The following SNTG1 variants were observed in gnomAD, a reference collection of about 807,000 sequenced individuals.
The protein encoded by SNTG1 is syntrophin gamma 1.
SNTG1 carries 39 observed loss-of-function variants against 74.7 expected under a neutral mutation model. The observed-to-expected ratio is 0.52, with a 90% CI of 0.40 to 0.68. SNTG1 has a LOEUF of 0.68. Among genes scored for constraint, SNTG1 ranks in the 30% least tolerant of loss-of-function variants. The pLI, the probability that SNTG1 is intolerant of heterozygous loss-of-function variation, is 0.00. For missense variants in SNTG1, 685 were observed against 609.5 expected, an observed-to-expected ratio of 1.12 and a Z score of -1.30; for synonymous variants, 254 against 217.1, an observed-to-expected ratio of 1.17 and a Z score of -1.49.
rs531962724 is a variant in SNTG1, at chr8:50,635,776, C to T, written c.850-21133C>T. 2.0e-5 allele frequency among the ~76,000 whole-genome samples: 3 copies of T among 152,266 alleles called. No individual in the cohort carries two copies. The East Asian group carries it at 5.9e-4, about 30-fold the overall frequency. ...AGAGATCCCATGAGCCCACTTGATGCTCTAACCCCTGTGGTTGAGCTGGTA... is the reference window on the plus strand; with the variant it reads ...AGAGATCCCATGAGCCCACTTGATGTTCTAACCCCTGTGGTTGAGCTGGTA... On this transcript the variant is annotated intron_variant, in intron 13 of 18. Transcript: ENST00000642720.
chr8:50,386,390 T>C (rs1000375439), intron 2 of SNTG1, among the ~76,000 whole-genome samples: 5 of 152,058 alleles, frequency 3.3e-5, no homozygotes, highest in African/African-American at 9.7e-5. Flanking sequence ...TCATATTTAG[T>C]TCACATTTAT....
intron 1 of SNTG1, among the ~76,000 whole-genome samples, chr8:49,973,646 G>A (rs1004203793): frequency 1.3e-5 from 2 of 152,060 alleles, no homozygotes; most frequent in Non-Finnish European, 2.9e-5. Context: ...TTTGAAGCAA[G>A]GAATAAAAAT....
At chr8:50,270,554 A>T (rs1239853085) in intron 2 of SNTG1, among the ~76,000 whole-genome samples, 1 of 150,644 alleles carries the variant, frequency 6.6e-6, no homozygotes, top group African/African-American at 2.4e-5. Flanking sequence ...AGGAATTGAG[A>T]TCTGCATGGC....
In SNTG1 at chr8:50,564,819, A is replaced by C. The variant is rs567902809; in HGVS notation, c.810+11640A>C. ...GAGGACTTCAAATGCAATATTGTGG[A>C]TGTTACAATCTCCAATAAAAATATG... On this transcript the variant is annotated intron_variant, in intron 12 of 18. Transcript: ENST00000642720. Among the ~76,000 whole-genome samples, 11 of 152,196 alleles carry C rather than the reference A, an allele frequency of 7.2e-5. No individual in the cohort carries two copies. The South Asian group carries it at 2.1e-3, about 29-fold the overall frequency.
chr8:50,708,682 T>C, intron 16 of SNTG1: 1 of 546,256 alleles, frequency 1.8e-6, no homozygotes, highest in Non-Finnish European at 3.3e-6. Flanking sequence ...GGCATACACC[T>C]TGGCAAGTTA....
chr8:49,929,395 A>G (rs1391910088), intron 1 of SNTG1, among the ~76,000 whole-genome samples: 1 of 152,202 alleles, frequency 6.6e-6, no homozygotes, highest in African/African-American at 2.4e-5. Context: ...GCCCGCATCT[A>G]TGTAGAGCTT....
chr8:50,656,284 CTTTG>C (rs2095180188), intron 13 of SNTG1, among the ~76,000 whole-genome samples: 1 of 152,090 alleles, frequency 6.6e-6, no homozygotes, highest in African/African-American at 2.4e-5. Flanking sequence ...CTCACAAAAT[CTTTG>C]TTTGGAAATC....
intron 8 of SNTG1, among the ~76,000 whole-genome samples, chr8:50,487,757 A>G (rs1297217763): frequency 6.6e-6 from 1 of 151,906 alleles, no homozygotes; most frequent in Non-Finnish European, 1.5e-5. Context: ...TAGTGGGTGC[A>G]GTGCACCAGC....
chr8:50,134,897 G>A (rs1168529109), intron 1 of SNTG1, among the ~76,000 whole-genome samples: 2 of 152,044 alleles, frequency 1.3e-5, no homozygotes, highest in African/African-American at 4.8e-5. Flanking sequence ...TGGTTATAAA[G>A]TAATTTTCAG....
intron 2 of SNTG1, among the ~76,000 whole-genome samples, chr8:50,267,166 C>A (rs1395015763): frequency 6.6e-6 from 1 of 151,870 alleles, no homozygotes; most frequent in Non-Finnish European, 1.5e-5. Context: ...TTCTTTTATG[C>A]CTTTACTGTG....
rs1435251054 is a variant in SNTG1 at position 50,705,929 on chromosome 8, C to G, written c.1191+1177C>G. Among the ~76,000 whole-genome samples, 3 of 152,216 alleles carry G rather than the reference C, an allele frequency of 2.0e-5. No homozygotes were observed. In the East Asian group the frequency reaches 5.8e-4, roughly 29 times the overall value. ...GATCCATAGAGCAAGGACCTAAATA[C>G]ACACATGGACACTTAATTTTGAAAA... On this transcript the variant is annotated intron_variant, in intron 16 of 18. Coordinates refer to ENST00000642720, the MANE Select transcript of SNTG1 (RefSeq NM_018967.5).
Position 49,996,079 on chromosome 8 carries a change from T to C in SNTG1, c.-103+83848T>C, listed in dbSNP as rs527661393. On this transcript the variant is annotated intron_variant, in intron 1 of 18. Transcript: ENST00000642720. ...ACTGTAAACTAGAAAATATATGATATTTACTTTTATTATTAAAATTGAATT... is the reference window on the plus strand; with the variant it reads ...ACTGTAAACTAGAAAATATATGATACTTACTTTTATTATTAAAATTGAATT... Among the ~76,000 whole-genome samples, 18 of 152,262 alleles carry C rather than the reference T, an allele frequency of 1.2e-4. 2 individuals carry two copies. Among genetic ancestry groups the C allele is most frequent in the African/African-American group, 4.3e-4 (18 of 41,564 alleles).
intron 2 of SNTG1, among the ~76,000 whole-genome samples, chr8:50,189,286 T>G (rs1427976129): frequency 6.6e-6 from 1 of 152,154 alleles, no homozygotes; most frequent in Non-Finnish European, 1.5e-5. Flanking sequence ...TTTATTTTTT[T>G]TTCAGTAGTC....
chr8:50,378,482 T>C (rs1411789164), intron 2 of SNTG1, among the ~76,000 whole-genome samples: 1 of 152,132 alleles, frequency 6.6e-6, no homozygotes, highest in Non-Finnish European at 1.5e-5. Flanking sequence ...TGCCAGTTGA[T>C]AGATCCTGAG....
chr8:49,990,059 T>C (rs1374076311), intron 1 of SNTG1, among the ~76,000 whole-genome samples: 1 of 151,932 alleles, frequency 6.6e-6, no homozygotes, highest in Admixed American at 6.6e-5. Context: ...TCTGTGCTCT[T>C]GCCACTTCTA....
chr8:50,312,646 A>G (rs1052627941), intron 2 of SNTG1, among the ~76,000 whole-genome samples: 1 of 149,694 alleles, frequency 6.7e-6, no homozygotes, highest in African/African-American at 2.5e-5. Context: ...AAACAATGAA[A>G]ATAGCATAAT....
At chr8:50,644,919 CTTTT>C (rs36012475) in intron 13 of SNTG1, among the ~76,000 whole-genome samples, 2 of 135,696 alleles carry the variant, frequency 1.5e-5, no homozygotes, top group East Asian at 2.1e-4. Context: ...TGCCCAGGTG[CTTTT>C]TTTTTTTTTT....
chr8:50,069,716 C>A (rs569297942), intron 1 of SNTG1, among the ~76,000 whole-genome samples: 2 of 147,824 alleles, frequency 1.4e-5, no homozygotes, highest in Non-Finnish European at 3.0e-5. Context: ...CTGACTTCTC[C>A]CCAGAGTACC....
chr8:50,408,797 C>T (rs2092911685), intron 4 of SNTG1, among the ~76,000 whole-genome samples: 1 of 152,168 alleles, frequency 6.6e-6, no homozygotes, highest in Non-Finnish European at 1.5e-5. Flanking sequence ...TAGGGCATAG[C>T]TCAGTTGCAG....
Sources: allele counts gnomAD v4.1 joint callset (sites outside exome capture counted in the v4.1 genomes callset), GRCh38; gene constraint gnomAD v4.1.1; transcripts MANE v1.5; gene names NCBI Gene and HGNC (gene_info 2026-07-23, HGNC 2026-07-21).